TLCD3B: variants seen among roughly 807,000 people sequenced by gnomAD.
TLCD3B encodes the protein TLC domain containing 3B, also known as ceramide synthase.
In TLCD3B, 9 loss-of-function variants were observed where a neutral mutation model predicts 23.0. The ratio of observed to expected loss-of-function variants is 0.39; its 90% confidence interval spans 0.24 to 0.68. TLCD3B has a LOEUF of 0.68. Among genes scored for constraint, TLCD3B ranks in the 30% least tolerant of loss-of-function variants. The probability of loss-of-function intolerance (pLI) is 0.44; values close to 1 mark genes in which losing one functional copy is unlikely to be tolerated. For synonymous variants in TLCD3B, 161 were observed against 161.0 expected (o/e 1.00, Z 0.00); for missense variants, 307 against 371.8 (o/e 0.83, Z 1.43).
At chr16:30,048,827 G>C (rs2071710440) in intron 1 of TLCD3B, among the ~76,000 whole-genome samples, 1 of 152,022 alleles carries the variant, frequency 6.6e-6, no homozygotes, top group Non-Finnish European at 1.5e-5. Flanking sequence ...CTGGAGTGCA[G>C]TGGTGCGATC....
chr16:30,041,897 C>T (rs866365481), intron 2 of TLCD3B, among the ~76,000 whole-genome samples: 14 of 152,060 alleles, frequency 9.2e-5, no homozygotes, highest in African/African-American at 3.4e-4. Context: ...ACCATTTTTC[C>T]ACCAAATATT....
At position 30,024,917 on chromosome 16, in the gene TLCD3B, C is replaced by T. The variant is rs2071034946; in HGVS notation, c.*266G>A. On this transcript the variant is annotated 3_prime_UTR_variant, in exon 5 of 5. Coordinates refer to ENST00000380495, the MANE Select transcript of TLCD3B (RefSeq NM_031478.6). ...CCTGTTGGTGTCCCTCCCCACAAGC[C>T]CTCCTGCCCTCAGTGGGTGGGAGGC... The T allele has an allele frequency of 4.8e-6, 2 of 414,544 alleles. No individual in the cohort carries two copies. Among genetic ancestry groups the T allele is most frequent in the Non-Finnish European group, 4.2e-6 (1 of 235,856 alleles). The allele number at this position is 414,544 out of a possible 1,614,324, so 25.7% of individuals were successfully genotyped here. A position where few individuals can be genotyped will look rare whatever the true frequency, so the allele number is the denominator to read the frequency against.
chr16:30,052,173 G>T (rs2071770102), intron 1 of TLCD3B, among the ~76,000 whole-genome samples: 1 of 152,016 alleles, frequency 6.6e-6, no homozygotes, highest in Admixed American at 6.6e-5. Flanking sequence ...TTCGAGACCA[G>T]CCTGGCCAAC....
chr16:30,025,172 G>A lies in TLCD3B; in HGVS notation c.*11C>T, dbSNP rs1196238574. 3.7e-5 allele frequency: 53 copies of A among 1,432,146 alleles called. No homozygotes were observed. Among genetic ancestry groups the A allele is most frequent in the South Asian group, 1.0e-4 (7 of 66,950 alleles). The allele number at this position is 1,432,146 out of a possible 1,614,324, so 88.7% of individuals were successfully genotyped here. On this transcript the variant is annotated 3_prime_UTR_variant, in exon 5 of 5. Transcript: ENST00000380495. The surrounding 1 kb of genome is among the most constrained non-coding windows in gnomAD (Gnocchi z 4.1). The stretch of plus-strand genomic sequence containing the variant: ...TGGGGGTGGGGAGGGGGAGGGTCCC[G>A]GCCCCCGGCCTCAGTCCTGGGCCTG...
chr16:30,052,316 C>T (rs1307704363), intron 1 of TLCD3B, among the ~76,000 whole-genome samples: 2 of 151,536 alleles, frequency 1.3e-5, no homozygotes, highest in African/African-American at 4.9e-5. Flanking sequence ...TGTAGTGAGC[C>T]AAGATCACAC....
At position 30,029,600 on chromosome 16, in the gene TLCD3B, G is replaced by T; in HGVS notation, c.126-85C>A. ...TCTCCTCGTTGCTAGTCTAACGACT[G>T]CGCTTTGCGTTCAGCCACTTCTCGG... On this transcript the variant is annotated intron_variant, in intron 1 of 4. Transcript: ENST00000380495. This position sits in a 1 kb window ranked among gnomAD's most constrained non-coding sequence, Gnocchi z 4.6. 1 of 1,196,156 alleles carries T rather than the reference G, an allele frequency of 8.4e-7. No individual in the cohort carries two copies. Among genetic ancestry groups the T allele is most frequent in the Non-Finnish European group, 1.2e-6 (1 of 822,148 alleles). The allele number at this position is 1,196,156 out of a possible 1,614,324, so 74.1% of individuals were successfully genotyped here.
chr16:30,049,544 A>G (rs1038525637), intron 1 of TLCD3B, among the ~76,000 whole-genome samples: 2 of 152,160 alleles, frequency 1.3e-5, no homozygotes, highest in African/African-American at 4.8e-5. Flanking sequence ...CCAGCTTCCA[A>G]CTTCGGGAGA....
intron 3 of TLCD3B, chr16:30,036,498 G>C: frequency 9.4e-7 from 1 of 1,058,892 alleles, no homozygotes; most frequent in Non-Finnish European, 1.2e-6. Context: ...TCTTCCAAGG[G>C]ACCTTCTCGG....
At position 30,026,753 on chromosome 16, in the gene TLCD3B, G is replaced by C; in HGVS notation, c.300C>G (p.His100Gln). Residue 100 changes from histidine to glutamine, a missense_variant, in exon 3 of 5, where the codon CAC becomes CAG. His to Gln is a conservative substitution (Grantham distance 24, BLOSUM62 0). Coordinates refer to ENST00000380495, the MANE Select transcript of TLCD3B (RefSeq NM_031478.6). Reference protein sequence around the residue: ...YAMFLCHWHKHQVKGHGGDDG... With the variant: ...YAMFLCHWHKQQVKGHGGDDG... ...CGTCCCCTCCATGCCCTTTGACCTG[G>C]TGCTTGTGCCAGTGACAGAGGAACA... 6.2e-7 allele frequency: 1 copy of C among 1,614,186 alleles called. No homozygotes were observed. The highest frequency in any genetic ancestry group is 1.1e-5 in the South Asian group (1 of 91,084).
At chr16:30,037,995 T>C (rs565241153) in intron 3 of TLCD3B, among the ~76,000 whole-genome samples, 1 of 152,204 alleles carries the variant, frequency 6.6e-6, no homozygotes, top group Non-Finnish European at 1.5e-5. Context: ...GGGAAGGTAT[T>C]GACTGGGAGG....
intron 1 of TLCD3B, among the ~76,000 whole-genome samples, chr16:30,048,567 A>C (rs1049457432): frequency 6.6e-6 from 1 of 152,094 alleles, no homozygotes; most frequent in Non-Finnish European, 1.5e-5. Context: ...CCAGGGTTGC[A>C]CAGATATACT....
At position 30,030,645 on chromosome 16, in the gene TLCD3B, A is replaced by G. The variant is rs3814878; in HGVS notation, c.-118T>C. ...CCCGGGAAGGAGGGAGAAAACGATGAGAAGGGGCACAAAGGGGCCAGGGCG... is the reference window on the plus strand; with the variant it reads ...CCCGGGAAGGAGGGAGAAAACGATGGGAAGGGGCACAAAGGGGCCAGGGCG... On this transcript the variant is annotated 5_prime_UTR_variant, in exon 1 of 5. Coordinates refer to ENST00000380495, the MANE Select transcript of TLCD3B (RefSeq NM_031478.6). 616,818 of 1,274,354 alleles carry G rather than the reference A, an allele frequency of 0.48. 148,845 individuals are homozygous for G. Among genetic ancestry groups the G allele is most frequent in the African/African-American group, 0.72 (44,620 of 61,938 alleles). 78.9% of individuals were successfully genotyped at this position (1,274,354 alleles called of 1,614,324 possible). A position where few individuals can be genotyped will look rare whatever the true frequency, so the allele number is the denominator to read the frequency against.
At chr16:30,047,128 T>TTG (rs1394743731) in intron 1 of TLCD3B, among the ~76,000 whole-genome samples, 1 of 151,892 alleles carries the variant, frequency 6.6e-6, no homozygotes, top group Non-Finnish European at 1.5e-5. Flanking sequence ...GCCCTGCCTG[T>TTG]TGTGTCATCT....
intron 1 of TLCD3B, among the ~76,000 whole-genome samples, chr16:30,047,706 G>T (rs997350018): frequency 6.6e-6 from 1 of 151,418 alleles, no homozygotes; most frequent in Admixed American, 6.6e-5. Context: ...TGATCCACCC[G>T]CCTCAGCCTC....
At position 30,025,171 on chromosome 16, in the gene TLCD3B, C is replaced by A. The variant is rs1479750644; in HGVS notation, c.*12G>T. 7.0e-7 allele frequency: 1 copy of A among 1,434,810 alleles called. No homozygotes were observed. Among genetic ancestry groups the A allele is most frequent in the East Asian group, 2.6e-5 (1 of 39,040 alleles). 88.9% of individuals were successfully genotyped at this position (1,434,810 alleles called of 1,614,324 possible). A position where few individuals can be genotyped will look rare whatever the true frequency, so the allele number is the denominator to read the frequency against. Reference sequence around the variant, plus strand: ...GTGGGGGTGGGGAGGGGGAGGGTCCCGGCCCCCGGCCTCAGTCCTGGGCCT... The same window carrying A: ...GTGGGGGTGGGGAGGGGGAGGGTCCAGGCCCCCGGCCTCAGTCCTGGGCCT... On this transcript the variant is annotated 3_prime_UTR_variant, in exon 5 of 5. Transcript: ENST00000380495. The surrounding 1 kb of genome is among the most constrained non-coding windows in gnomAD (Gnocchi z 4.1).
At chr16:30,051,828 G>A (rs1053718183) in intron 1 of TLCD3B, among the ~76,000 whole-genome samples, 1 of 152,200 alleles carries the variant, frequency 6.6e-6, no homozygotes, top group Admixed American at 6.5e-5. Context: ...AACTGAGGAC[G>A]TGCTTGAGGG....
intron 2 of TLCD3B, chr16:30,027,159 G>A (rs2071181074): frequency 2.0e-6 from 1 of 492,044 alleles, no homozygotes; most frequent in Non-Finnish European, 4.0e-6. Flanking sequence ...GCCAAAATAA[G>A]CCCAGGACAG....
chr16:30,026,593 G>A lies in TLCD3B; in HGVS notation c.444+16C>T, dbSNP rs1320074932. ...AGGCCACCCGCACCCCGCCCGCCCAGCTCCCCGGGACTCACCACTGAGAGT... is the reference window on the plus strand; with the variant it reads ...AGGCCACCCGCACCCCGCCCGCCCAACTCCCCGGGACTCACCACTGAGAGT... On this transcript the variant is annotated intron_variant, in intron 3 of 4. Coordinates refer to ENST00000380495, the MANE Select transcript of TLCD3B (RefSeq NM_031478.6). The A allele has an allele frequency of 4.6e-6, 7 of 1,530,184 alleles. No homozygotes were observed. Among genetic ancestry groups the A allele is most frequent in the East Asian group, 2.3e-5 (1 of 44,040 alleles). 94.8% of individuals were successfully genotyped at this position (1,530,184 alleles called of 1,614,324 possible). A position where few individuals can be genotyped will look rare whatever the true frequency, so the allele number is the denominator to read the frequency against.
At chr16:30,026,476 C>A (rs546749026) in intron 3 of TLCD3B, 133 bp downstream of exon 3, 3 of 798,376 alleles carry the variant, frequency 3.8e-6, no homozygotes, top group African/African-American at 1.7e-5. Flanking sequence ...CTGTCCACAG[C>A]TTTCCCTGGG....
Sources: allele counts gnomAD v4.1 joint callset (sites outside exome capture counted in the v4.1 genomes callset), GRCh38; gene constraint gnomAD v4.1.1; non-coding constraint Gnocchi (gnomAD v3.1); transcripts MANE v1.5; gene names NCBI Gene and HGNC (gene_info 2026-07-23, HGNC 2026-07-21).